Variants in SH3RF1 observed in about 807,000 individuals in gnomAD.
The protein encoded by SH3RF1 is SH3 domain containing ring finger 1, also known as E3 ubiquitin-protein ligase SH3RF1.
In SH3RF1, 32 loss-of-function variants were observed where a neutral mutation model predicts 74.0. The observed-to-expected ratio is 0.43, with a 90% CI of 0.33 to 0.58. The LOEUF (loss-of-function observed/expected upper bound fraction) is 0.58. SH3RF1 is among the 20% of genes least tolerant of loss of function. The probability of loss-of-function intolerance (pLI) is 0.05; values close to 1 mark genes in which losing one functional copy is unlikely to be tolerated. For synonymous variants in SH3RF1, 396 were observed against 439.6 expected, an observed-to-expected ratio of 0.90 and a Z score of 1.24; for missense variants, 954 against 1,130.9, an observed-to-expected ratio of 0.84 and a Z score of 2.24.
chr4:169,197,609 A>G (rs1261138944), intron 2 of SH3RF1, among the ~76,000 whole-genome samples: 1 of 136,668 alleles, frequency 7.3e-6, no homozygotes, highest in African/African-American at 2.7e-5. Flanking sequence ...GGGCGACAAA[A>G]GCAAGACTCT....
intron 2 of SH3RF1, among the ~76,000 whole-genome samples, chr4:169,242,080 G>C (rs1730920777): frequency 6.6e-6 from 1 of 151,980 alleles, no homozygotes; most frequent in Non-Finnish European, 1.5e-5. Context: ...TGGGAAAGGA[G>C]GGATCTATAA....
chr4:169,133,095 C>T (rs1374721740), intron 5 of SH3RF1, among the ~76,000 whole-genome samples: 1 of 152,118 alleles, frequency 6.6e-6, no homozygotes, highest in Non-Finnish European at 1.5e-5. Flanking sequence ...TCTCTAATTG[C>T]CATATAGAAA....
At chr4:169,259,059 T>C (rs1000826448) in intron 2 of SH3RF1, among the ~76,000 whole-genome samples, 1 of 152,304 alleles carries the variant, frequency 6.6e-6, no homozygotes, top group East Asian at 1.9e-4. Context: ...TAGCTAACTT[T>C]AGCTTTCTTT....
intron 2 of SH3RF1, among the ~76,000 whole-genome samples, chr4:169,243,795 TTTC>T (rs1215686288): frequency 6.6e-6 from 1 of 152,244 alleles, no homozygotes; most frequent in African/African-American, 2.4e-5. Context: ...GAATTATTTA[TTTC>T]TTCTATTTCA....
In SH3RF1 at chr4:169,130,157, C is replaced by T; in HGVS notation, c.1069-1G>A. ...TTAACCCGGTGGTACTTATATGAACCTGCCGAGAAAAGAAAAGTTATTAAA... is the reference window on the plus strand; with the variant it reads ...TTAACCCGGTGGTACTTATATGAACTTGCCGAGAAAAGAAAAGTTATTAAA... On this transcript the variant is annotated splice_acceptor_variant, in intron 5 of 11. Transcript: ENST00000284637. LOFTEE classifies it high-confidence loss of function. The T allele has an allele frequency of 6.4e-7, 1 of 1,557,642 alleles. No homozygotes were observed. The highest frequency in any genetic ancestry group is 1.4e-5 in the African/African-American group (1 of 71,366).
chr4:169,153,425 T>C (rs2126963517), intron 4 of SH3RF1, among the ~76,000 whole-genome samples: 1 of 152,344 alleles, frequency 6.6e-6, no homozygotes, highest in African/African-American at 2.4e-5. Context: ...GTTTTTATAC[T>C]GGGATTGTCT....
intron 2 of SH3RF1, among the ~76,000 whole-genome samples, chr4:169,176,777 G>A (rs1245718398): frequency 1.3e-5 from 2 of 152,162 alleles, no homozygotes; most frequent in African/African-American, 4.8e-5. Context: ...CCTGCCTCAG[G>A]CAATCCACCC....
chr4:169,188,399 A>C (rs1181985941), intron 2 of SH3RF1, among the ~76,000 whole-genome samples: 1 of 152,200 alleles, frequency 6.6e-6, no homozygotes, highest in Non-Finnish European at 1.5e-5. Flanking sequence ...CACTGTAAAC[A>C]ATAGTGTCCA....
At chr4:169,265,544 G>A (rs1373707757) in intron 2 of SH3RF1, among the ~76,000 whole-genome samples, 1 of 152,168 alleles carries the variant, frequency 6.6e-6, no homozygotes, top group Non-Finnish European at 1.5e-5. Context: ...TGCGATCTCA[G>A]CTCACTGTAA....
chr4:169,181,360 T>A (rs1734507528), intron 2 of SH3RF1, among the ~76,000 whole-genome samples: 1 of 150,982 alleles, frequency 6.6e-6, no homozygotes, highest in African/African-American at 2.4e-5. Context: ...CCTTCCAGGT[T>A]CAAGCGATTC....
At chr4:169,253,315 G>C (rs1013329213) in intron 2 of SH3RF1, among the ~76,000 whole-genome samples, 1 of 152,208 alleles carries the variant, frequency 6.6e-6, no homozygotes, top group Non-Finnish European at 1.5e-5. Context: ...GTAAGTATCA[G>C]ATAGCTTAGT....
rs1440142832 is a variant in SH3RF1, at chr4:169,130,795, AATTGAGTT to A, written c.1069-647_1069-640del. 2.6e-5 allele frequency among the ~76,000 whole-genome samples: 4 copies of A among 152,354 alleles called. No individual in the cohort carries two copies. The South Asian group carries it at 8.3e-4, about 32-fold the overall frequency. On this transcript the variant is annotated intron_variant, in intron 5 of 11. Coordinates refer to ENST00000284637, the MANE Select transcript of SH3RF1 (RefSeq NM_020870.4). ...ACCCAAGATTAATTTACTAGAAAGA[AATTGAGTT>A]ATTCAGGTCATTTCATTGCCTGTGT... is the stretch of plus-strand genomic sequence containing the variant.
intron 2 of SH3RF1, among the ~76,000 whole-genome samples, chr4:169,182,215 T>C (rs1734522952): frequency 6.6e-6 from 1 of 152,238 alleles, no homozygotes; most frequent in Admixed American, 6.5e-5. Context: ...TTTAAAGTTA[T>C]TTGTGTTTTA....
chr4:169,179,551 AC>A (rs1398625055), intron 2 of SH3RF1, among the ~76,000 whole-genome samples: 1 of 152,190 alleles, frequency 6.6e-6, no homozygotes, highest in Non-Finnish European at 1.5e-5. Context: ...AGTAACCAAT[AC>A]CAGCAACAGA....
At position 169,095,570 on chromosome 4, in the gene SH3RF1, A is replaced by G. The variant is rs1374582624; in HGVS notation, c.*949T>C. On this transcript the variant is annotated 3_prime_UTR_variant, in exon 12 of 12. Transcript: ENST00000284637. ...CACGAGTGCATCACTTACCACCACT[A>G]TCTCACAAATGTTTTACTTGTGTCC... 1 of 152,620 alleles carries G rather than the reference A, an allele frequency of 6.6e-6. No homozygotes were observed. Among genetic ancestry groups the G allele is most frequent in the Non-Finnish European group, 1.5e-5 (1 of 68,040 alleles). The allele number at this position is 152,620 out of a possible 1,614,324, so 9.5% of individuals were successfully genotyped here. A position where few individuals can be genotyped will look rare whatever the true frequency, so the allele number is the denominator to read the frequency against.
At chr4:169,221,867 A>G (rs912642155) in intron 2 of SH3RF1, among the ~76,000 whole-genome samples, 2 of 152,246 alleles carry the variant, frequency 1.3e-5, no homozygotes, top group African/African-American at 4.8e-5. Flanking sequence ...CAGTACAAAC[A>G]GTGAACTGCT....
At chr4:169,196,434 T>C (rs972311517) in intron 2 of SH3RF1, among the ~76,000 whole-genome samples, 2 of 152,242 alleles carry the variant, frequency 1.3e-5, no homozygotes, top group Non-Finnish European at 2.9e-5. Flanking sequence ...CAATGTTAGG[T>C]AACGATGTAC....
At chr4:169,259,387 T>C (rs548509261) in intron 2 of SH3RF1, among the ~76,000 whole-genome samples, 1 of 152,218 alleles carries the variant, frequency 6.6e-6, no homozygotes, top group South Asian at 2.1e-4. Flanking sequence ...GGCACCTCCA[T>C]TCCCTTCCCA....
At chr4:169,104,422 G>A (rs745354220) in intron 11 of SH3RF1, among the ~76,000 whole-genome samples, 6 of 152,148 alleles carry the variant, frequency 3.9e-5, no homozygotes, top group Non-Finnish European at 8.8e-5. Context: ...GACTCTTAGA[G>A]TAAGAGATTC....
Sources: gnomAD v4.1 joint callset for allele counts (sites outside exome capture counted in the v4.1 genomes callset) on GRCh38, gnomAD v4.1.1 for gene constraint, MANE v1.5 for transcripts, NCBI Gene and HGNC (gene_info 2026-07-23, HGNC 2026-07-21) for gene names.